STK31: variants seen among roughly 807,000 people sequenced by gnomAD.
The protein encoded by STK31 is serine/threonine kinase 31.
STK31 carries 89 observed loss-of-function variants against 129.7 expected under a neutral mutation model. That is an observed-to-expected ratio of 0.69 (90% CI 0.58 to 0.82). The LOEUF is 0.82. Ranked by LOEUF, STK31 falls within the 40% of genes least tolerant of loss-of-function variation. The probability of loss-of-function intolerance (pLI) is 0.00; values close to 1 mark genes in which losing one functional copy is unlikely to be tolerated. For synonymous variants in STK31, 448 were observed against 395.3 expected (o/e 1.13, Z -1.58); for missense variants, 1,187 against 1,176.4 (o/e 1.01, Z -0.13).
chr7:23,827,270 A>G (rs1358690157), intron 23 of STK31, among the ~76,000 whole-genome samples: 1 of 152,108 alleles, frequency 6.6e-6, no homozygotes. Context: ...ACGTAGTCCC[A>G]TATTTCTTGG....
At chr7:23,768,043 G>A (rs200522063) in intron 11 of STK31, among the ~76,000 whole-genome samples, 10 of 140,332 alleles carry the variant, frequency 7.1e-5, no homozygotes, top group Non-Finnish European at 1.4e-4. Flanking sequence ...TTTTTTTTTT[G>A]TGCACCTGCC....
intron 23 of STK31, among the ~76,000 whole-genome samples, chr7:23,820,455 G>A (rs1793730489): frequency 6.6e-6 from 1 of 152,152 alleles, no homozygotes. Context: ...TTTGTAACTT[G>A]TATGGAATGT....
chr7:23,720,539 A>G (rs1399315412), intron 4 of STK31, among the ~76,000 whole-genome samples: 3 of 152,138 alleles, frequency 2.0e-5, no homozygotes, highest in Non-Finnish European at 2.9e-5. Flanking sequence ...TTCTAAATAC[A>G]CTTTTAAAAT....
At chr7:23,731,375 C>G (rs1459741423) in intron 6 of STK31, among the ~76,000 whole-genome samples, 1 of 152,134 alleles carries the variant, frequency 6.6e-6, no homozygotes, top group African/African-American at 2.4e-5. Context: ...TACCCACTTA[C>G]CCGGTCCTCT....
intron 22 of STK31, among the ~76,000 whole-genome samples, chr7:23,801,634 T>C (rs1057180948): frequency 6.6e-6 from 1 of 152,180 alleles, no homozygotes; most frequent in African/African-American, 2.4e-5. Context: ...GACTTGAATA[T>C]TTTTTCTTAT....
At chr7:23,757,853 GC>G (rs1323794982) in intron 10 of STK31, among the ~76,000 whole-genome samples, 1 of 152,192 alleles carries the variant, frequency 6.6e-6, no homozygotes, top group African/African-American at 2.4e-5. Flanking sequence ...ACAAGACCTG[GC>G]TTTCCTAGGC....
chr7:23,796,360 T>TG (rs1311390139), intron 22 of STK31, among the ~76,000 whole-genome samples: 1 of 151,910 alleles, frequency 6.6e-6, no homozygotes, highest in East Asian at 1.9e-4. Context: ...ATCAAGTTTT[T>TG]TTTTTTGTTT....
In STK31 at chr7:23,817,057, G is replaced by A. The variant is rs552597079; in HGVS notation, c.2829+1845G>A. ...AAAAAAATTAGCTGGATGTGCTGGC[G>A]GGTGCCTGTAGTCCCAGCTACTTGG... On this transcript the variant is annotated intron_variant, in intron 23 of 23. Transcript: ENST00000355870. Among the ~76,000 whole-genome samples the A allele has an allele frequency of 5.4e-4, 82 of 152,142 alleles. No homozygotes were observed. In the Middle Eastern group the frequency reaches 0.017, roughly 32 times the overall value.
At chr7:23,796,997 A>G (rs1222133400) in intron 22 of STK31, among the ~76,000 whole-genome samples, 2 of 152,218 alleles carry the variant, frequency 1.3e-5, no homozygotes, top group East Asian at 3.8e-4. Flanking sequence ...TTAACCAACA[A>G]AGATCAAGAA....
chr7:23,754,167 A>G, intron 9 of STK31, 148 bp from the exon 10 acceptor site: 1 of 564,670 alleles, frequency 1.8e-6, no homozygotes, highest in African/African-American at 1.9e-5. Context: ...TAAGTTATAC[A>G]TGATTTTATA....
chr7:23,780,582 G>A (rs563989337), intron 15 of STK31, among the ~76,000 whole-genome samples: 1 of 152,324 alleles, frequency 6.6e-6, no homozygotes, highest in South Asian at 2.1e-4. Flanking sequence ...ATTTGAGAGA[G>A]GGGTAGAGGA....
intron 6 of STK31, 152 bp from the exon 7 acceptor site, chr7:23,735,386 G>A (rs948052262): frequency 1.1e-5 from 7 of 625,064 alleles, no homozygotes; most frequent in East Asian, 5.4e-5. Context: ...ATTCATATAC[G>A]TGGAGATGCA....
intron 6 of STK31, among the ~76,000 whole-genome samples, chr7:23,734,121 T>A (rs1787586101): frequency 6.6e-6 from 1 of 152,254 alleles, no homozygotes; most frequent in South Asian, 2.1e-4. Context: ...AGTGTGTTTT[T>A]ACACTCTTGT....
intron 15 of STK31, among the ~76,000 whole-genome samples, chr7:23,775,622 T>C (rs1790487626): frequency 6.6e-6 from 1 of 152,214 alleles, no homozygotes; most frequent in Non-Finnish European, 1.5e-5. Flanking sequence ...ATGATTTGGC[T>C]CTCTGTTTGC....
chr7:23,808,289 C>G (rs1223054633), intron 22 of STK31, among the ~76,000 whole-genome samples: 1 of 151,806 alleles, frequency 6.6e-6, no homozygotes, highest in Non-Finnish European at 1.5e-5. Flanking sequence ...CCCAGTTGTA[C>G]TGCCTTACTT....
chr7:23,806,623 G>A (rs888901023), intron 22 of STK31, among the ~76,000 whole-genome samples: 2 of 152,182 alleles, frequency 1.3e-5, no homozygotes, highest in African/African-American at 2.4e-5. Context: ...AGGTTGGGCC[G>A]GGCGCGGTGG....
At chr7:23,783,934 ACT>A (rs1192515463) in intron 17 of STK31, among the ~76,000 whole-genome samples, 5 of 152,192 alleles carry the variant, frequency 3.3e-5, no homozygotes, top group African/African-American at 1.2e-4. Context: ...ATAGGTGTTT[ACT>A]TTTTGAAATG....
chr7:23,831,805 T>C (rs1794564061), intron 23 of STK31, among the ~76,000 whole-genome samples: 2 of 152,204 alleles, frequency 1.3e-5, no homozygotes, highest in Admixed American at 1.3e-4. Context: ...ACAACTCTCT[T>C]AGTAGAGACG....
At chr7:23,716,385 CA>C (rs1367426013) in intron 3 of STK31, among the ~76,000 whole-genome samples, 4 of 152,156 alleles carry the variant, frequency 2.6e-5, no homozygotes, top group Non-Finnish European at 2.9e-5. Flanking sequence ...GGTAAGGTGG[CA>C]ACTTCCAGGT....
Sources: gnomAD v4.1 joint callset for allele counts (sites outside exome capture counted in the v4.1 genomes callset) on GRCh38, gnomAD v4.1.1 for gene constraint, MANE v1.5 for transcripts, NCBI Gene and HGNC (gene_info 2026-07-23, HGNC 2026-07-21) for gene names.